Variants in RBFOX3 observed in about 807,000 individuals in gnomAD.
The protein encoded by RBFOX3 is RNA binding protein fox-1 homolog 3.
Under a neutral mutation model 48.7 loss-of-function variants are expected in RBFOX3, and 17 were observed. The ratio of observed to expected loss-of-function variants is 0.35; its 90% CI spans 0.24 to 0.52. RBFOX3 has a LOEUF of 0.52. Among genes scored for constraint, RBFOX3 ranks in the 20% least tolerant of loss-of-function variants. The probability of loss-of-function intolerance (pLI) is 0.94; values close to 1 mark genes in which losing one functional copy is unlikely to be tolerated. For synonymous variants in RBFOX3, 212 were observed against 209.5 expected, an observed-to-expected ratio of 1.01 and a Z score of -0.10; for missense variants, 382 against 497.5, an observed-to-expected ratio of 0.77 and a Z score of 2.21.
intron 2 of RBFOX3, among the ~76,000 whole-genome samples, chr17:79,400,944 G>C (rs1025311493): frequency 6.6e-6 from 1 of 152,180 alleles, no homozygotes; most frequent in Non-Finnish European, 1.5e-5. Context: ...AGACAGCCTA[G>C]CTAGCATCCC....
At chr17:79,469,723 A>C (rs368996693) in intron 2 of RBFOX3, among the ~76,000 whole-genome samples, 161 of 152,298 alleles carry the variant, frequency 1.1e-3, no homozygotes, top group African/African-American at 3.7e-3. Context: ...ATCTGAGCTA[A>C]GAGAGGGAAG....
At chr17:79,419,404 G>T (rs535219219) in intron 2 of RBFOX3, among the ~76,000 whole-genome samples, 1 of 152,324 alleles carries the variant, frequency 6.6e-6, no homozygotes, top group South Asian at 2.1e-4. Context: ...GTCTTGGCAG[G>T]GTTCTTGCAG....
intron 3 of RBFOX3, among the ~76,000 whole-genome samples, chr17:79,266,811 G>A (rs1274966802): frequency 6.6e-6 from 1 of 151,902 alleles, no homozygotes; most frequent in African/African-American, 2.4e-5. Flanking sequence ...GCCCCTAAGT[G>A]TGGTGGAGCT....
chr17:79,093,548 GAAA>G (rs72211592), intron 14 of RBFOX3, among the ~76,000 whole-genome samples: 17 of 117,484 alleles, frequency 1.4e-4, no homozygotes, highest in Non-Finnish European at 2.3e-4. Context: ...GTTAAAAATT[GAAA>G]AAAAAAAAAA....
chr17:79,642,394 T>C, the RBFOX3 span, among the ~76,000 whole-genome samples: 2 of 152,224 alleles, frequency 1.3e-5, 1 homozygote, highest in Non-Finnish European at 2.9e-5. Context: ...TGTGAAGTGA[T>C]AGGCATGTTA....
At chr17:79,474,598 C>G (rs1215309031) in intron 2 of RBFOX3, among the ~76,000 whole-genome samples, 2 of 152,192 alleles carry the variant, frequency 1.3e-5, no homozygotes, top group Non-Finnish European at 2.9e-5. Context: ...TCACATTTGA[C>G]TTTTGTATCC....
chr17:79,437,909 T>TA (rs1470347315), intron 2 of RBFOX3, among the ~76,000 whole-genome samples: 4 of 151,826 alleles, frequency 2.6e-5, no homozygotes, highest in African/African-American at 9.7e-5. Flanking sequence ...CACACACATA[T>TA]ACTCATGTAC....
chr17:79,512,907 C>G (rs1350381426), intron 1 of RBFOX3, among the ~76,000 whole-genome samples: 2 of 149,542 alleles, frequency 1.3e-5, no homozygotes, highest in Non-Finnish European at 3.0e-5. Flanking sequence ...GCCCCATGGC[C>G]AGGGGACGCA....
chr17:79,189,768 C>G (rs1223633667), intron 4 of RBFOX3, among the ~76,000 whole-genome samples: 2 of 152,220 alleles, frequency 1.3e-5, no homozygotes, highest in Non-Finnish European at 2.9e-5. Context: ...CAAGCCTGTG[C>G]ATGTGTGCCC....
intron 4 of RBFOX3, among the ~76,000 whole-genome samples, chr17:79,128,310 G>A (rs150940381): frequency 1.3e-5 from 2 of 151,972 alleles, no homozygotes; most frequent in Non-Finnish European, 1.5e-5. Flanking sequence ...ATGAGGGGGG[G>A]ACTTTGCTTC....
At chr17:79,325,266 T>G (rs1318549762) in intron 2 of RBFOX3, among the ~76,000 whole-genome samples, 2 of 152,138 alleles carry the variant, frequency 1.3e-5, no homozygotes, top group Non-Finnish European at 2.9e-5. Flanking sequence ...ATTCCACAGG[T>G]GGGTGAGGGC....
At chr17:79,371,750 G>T (rs1440212730) in intron 2 of RBFOX3, among the ~76,000 whole-genome samples, 3 of 152,180 alleles carry the variant, frequency 2.0e-5, no homozygotes, top group African/African-American at 7.2e-5. Context: ...TCCTGCAAGT[G>T]GGAGGGACTG....
Position 79,589,064 on chromosome 17 carries a change from G to A in RBFOX3, c.-320+21762C>T, listed in dbSNP as rs897427225. On this transcript the variant is annotated intron_variant, in intron 1 of 14. Coordinates refer to ENST00000693108, the MANE Select transcript of RBFOX3 (RefSeq NM_001350451.2). ...GACCTGGGCCATATAGTGAGACCCC[G>A]TCCTGAGCTTGGACAGTTCTTTCAG... Among the ~76,000 whole-genome samples the A allele has an allele frequency of 3.5e-4, 53 of 151,668 alleles. 1 individual carries two copies. The highest frequency in any genetic ancestry group is 4.9e-4 in the Non-Finnish European group (33 of 67,856).
chr17:79,113,631 G>A (rs565422857), intron 5 of RBFOX3, among the ~76,000 whole-genome samples: 1 of 152,298 alleles, frequency 6.6e-6, no homozygotes, highest in Non-Finnish European at 1.5e-5. Context: ...CTCCTGGTTG[G>A]AGAGTACTTC....
At chr17:79,226,995 G>A (rs1407655556) in intron 4 of RBFOX3, among the ~76,000 whole-genome samples, 1 of 152,288 alleles carries the variant, frequency 6.6e-6, no homozygotes, top group East Asian at 1.9e-4. Context: ...TCTGGCCTGC[G>A]CGGAGCATCT....
At chr17:79,434,351 G>C (rs189889117) in intron 2 of RBFOX3, among the ~76,000 whole-genome samples, 1 of 152,156 alleles carries the variant, frequency 6.6e-6, no homozygotes, top group Admixed American at 6.5e-5. Context: ...AATGAGCATC[G>C]ACTGTAAATG....
intron 2 of RBFOX3, among the ~76,000 whole-genome samples, chr17:79,408,528 C>T (rs1009948837): frequency 1.3e-5 from 2 of 152,186 alleles, no homozygotes; most frequent in African/African-American, 2.4e-5. Context: ...CAGCGACCTC[C>T]GAACCTGCGG....
intron 1 of RBFOX3, among the ~76,000 whole-genome samples, chr17:79,498,622 C>T (rs573574773): frequency 1.6e-4 from 25 of 151,542 alleles, no homozygotes; most frequent in Admixed American, 3.3e-4. Flanking sequence ...ATCTATCCAT[C>T]CATCCATCCA....
chr17:79,656,793 A>AGAAGGAAGGAAG, the RBFOX3 span, among the ~76,000 whole-genome samples: 7,051 of 15,722 alleles, frequency 0.45, 422 homozygotes, highest in Non-Finnish European at 0.45. Flanking sequence ...AAAGAAAGAA[A>AGAAGGAAGGAAG]GAAAGAAAGA....
Sources: allele counts gnomAD v4.1 joint callset (sites outside exome capture counted in the v4.1 genomes callset), GRCh38; gene constraint gnomAD v4.1.1; transcripts MANE v1.5; gene names NCBI Gene and HGNC (gene_info 2026-07-23, HGNC 2026-07-21).